Variants in OVCH1 observed in about 807,000 individuals in gnomAD.
OVCH1 encodes the protein ovochymase-1.
In OVCH1, 139 loss-of-function variants were observed where a neutral mutation model predicts 138.4. That is an observed-to-expected ratio of 1.00 (90% CI 0.87 to 1.16). The LOEUF (loss-of-function observed/expected upper bound fraction) is 1.16, where lower values mean the gene tolerates loss of function less well. Among genes scored for constraint, OVCH1 ranks in the 50% most tolerant of loss-of-function variants. The probability of loss-of-function intolerance (pLI) is 0.00; values close to 1 mark genes in which losing one functional copy is unlikely to be tolerated. For synonymous variants in OVCH1, 453 were observed against 467.8 expected (o/e 0.97, Z 0.41); for missense variants, 1,367 against 1,357.9 (o/e 1.01, Z -0.11).
chr12:29,434,994 A>G (rs1292838098), intron 26 of OVCH1, among the ~76,000 whole-genome samples: 2 of 152,218 alleles, frequency 1.3e-5, no homozygotes, highest in African/African-American at 4.8e-5. Flanking sequence ...AAAAGGTGAC[A>G]TGGTCTAAGA....
chr12:29,482,996 T>C (rs145464043), intron 8 of OVCH1, among the ~76,000 whole-genome samples: 1 of 152,332 alleles, frequency 6.6e-6, no homozygotes, highest in East Asian at 1.9e-4. Flanking sequence ...GCCTTCTAAC[T>C]TCTACCCAGT....
At chr12:29,497,345 T>C (rs1343229924) in intron 1 of OVCH1, among the ~76,000 whole-genome samples, 2 of 152,168 alleles carry the variant, frequency 1.3e-5, no homozygotes, top group Non-Finnish European at 2.9e-5. Context: ...TTACTTCTAC[T>C]TGGTTAGGTT....
Position 29,417,313 on chromosome 12 carries a change from C to G in OVCH1, c.*72-4588G>C, listed in dbSNP as rs146125812. The stretch of plus-strand genomic sequence containing the variant: ...CCCATCTCTACTAAAAATACAAAAA[C>G]TTAGCCAGGCATGGTGGCATGCACC... On this transcript the variant is annotated intron_variant and NMD_transcript_variant, in intron 3 of 4. Coordinates refer to the OVCH1 transcript ENST00000539117. Among the ~76,000 whole-genome samples the G allele has an allele frequency of 1.8e-4, 28 of 151,612 alleles. No homozygotes were observed. The East Asian group carries it at 5.1e-3, about 27-fold the overall frequency.
chr12:29,456,768 C>T (rs1159753720), intron 19 of OVCH1, among the ~76,000 whole-genome samples: 1 of 152,212 alleles, frequency 6.6e-6, no homozygotes, highest in South Asian at 2.1e-4. Context: ...AGGAAACCTA[C>T]CACAATATCC....
chr12:29,486,010 A>AAATG, intron 8 of OVCH1, among the ~76,000 whole-genome samples: 1 of 140,084 alleles, frequency 7.1e-6, no homozygotes, highest in Non-Finnish European at 1.6e-5. Context: ...ATAAATAAAT[A>AAATG]AATGGATACA....
At chr12:29,427,344 T>G (rs1941196287), downstream of OVCH1, among the ~76,000 whole-genome samples, 1 of 152,236 alleles carries the variant, frequency 6.6e-6, no homozygotes, top group South Asian at 2.1e-4. Flanking sequence ...CCAGGAAATT[T>G]TAATTCTGGT....
intron 3 of OVCH1, among the ~76,000 whole-genome samples, chr12:29,415,238 G>C (rs1941017103): frequency 6.6e-6 from 1 of 152,110 alleles, no homozygotes; most frequent in African/African-American, 2.4e-5. Flanking sequence ...ATCAAGATAA[G>C]AAAGTAAGGA....
chr12:29,404,828 C>G, the OVCH1 span, among the ~76,000 whole-genome samples: 6 of 151,886 alleles, frequency 4.0e-5, no homozygotes, highest in Admixed American at 1.3e-4. Context: ...CGAGACCAGT[C>G]TGGCCAACAT....
At chr12:29,440,476 C>A (rs933597705) in intron 25 of OVCH1, 3 of 266,892 alleles carry the variant, frequency 1.1e-5, no homozygotes, top group Non-Finnish European at 2.2e-5. Context: ...CCAAGCAGCA[C>A]AATTTTAAGA....
At chr12:29,407,159 T>C in the OVCH1 span, among the ~76,000 whole-genome samples, 1 of 151,096 alleles carries the variant, frequency 6.6e-6, no homozygotes, top group Non-Finnish European at 1.5e-5. Flanking sequence ...GGTTGTTTGT[T>C]TTTTTCTTGT....
At chr12:29,469,997 G>A (rs1026990305) in intron 16 of OVCH1, among the ~76,000 whole-genome samples, 7 of 152,060 alleles carry the variant, frequency 4.6e-5, no homozygotes, top group Non-Finnish European at 2.9e-5. Flanking sequence ...AGTCTGGATC[G>A]AAAACAAATT....
chr12:29,495,284 C>T lies in OVCH1; in HGVS notation c.454+1G>A, dbSNP rs1411834545. On this transcript the variant is annotated splice_donor_variant, in intron 4 of 27. Coordinates refer to ENST00000318184, the Ensembl canonical transcript of OVCH1. LOFTEE classifies it high-confidence loss of function. ...TTAATATTCTAACTCTCCATACTCA[C>T]CAAACTTGACTTTGTGTTTTAGATA... The T allele has an allele frequency of 1.2e-6, 2 of 1,608,022 alleles. No homozygotes were observed. The highest frequency in any genetic ancestry group is 1.7e-6 in the Non-Finnish European group (2 of 1,177,350).
At chr12:29,432,040 T>C (rs570738310) in intron 27 of OVCH1, among the ~76,000 whole-genome samples, 2 of 152,286 alleles carry the variant, frequency 1.3e-5, no homozygotes, top group African/African-American at 4.8e-5. Flanking sequence ...CGCATAGTTA[T>C]AGGTTTCAGG....
chr12:29,449,276 TACACACACACACACACACACACAC>T (rs10651165), intron 22 of OVCH1, among the ~76,000 whole-genome samples: 4 of 137,438 alleles, frequency 2.9e-5, no homozygotes, highest in African/African-American at 5.3e-5. Flanking sequence ...CCCCCCTCCC[TACACACACACACACACACACACAC>T]ACACACACAC....
chr12:29,409,100 G>C (rs187966139), downstream of OVCH1, among the ~76,000 whole-genome samples: 214 of 152,286 alleles, frequency 1.4e-3, no homozygotes, highest in African/African-American at 5.0e-3. Context: ...TTGCGTAGAG[G>C]TGTTTGTAGT....
intron 26 of OVCH1, among the ~76,000 whole-genome samples, chr12:29,438,439 G>A (rs145166659): frequency 1.3e-3 from 196 of 148,462 alleles, no homozygotes; most frequent in African/African-American, 4.8e-3. Context: ...GATAAACTTC[G>A]GAGTTAATTT....
intron 27 of OVCH1, among the ~76,000 whole-genome samples, chr12:29,429,525 T>C (rs752420670): frequency 6.6e-6 from 1 of 152,218 alleles, no homozygotes; most frequent in Non-Finnish European, 1.5e-5. Flanking sequence ...GTGTAGGCCA[T>C]TTAAGAAAGA....
In OVCH1 at chr12:29,442,175, A is replaced by G. The variant is rs549460504; in HGVS notation, c.3157+1186T>C. ...CTGCTACAAAGACACATGCACACGT[A>G]TGTTTATTGCGGCACTATTCACAAT... On this transcript the variant is annotated intron_variant, in intron 25 of 27. Transcript: ENST00000318184. Among the ~76,000 whole-genome samples the G allele has an allele frequency of 1.5e-3, 222 of 152,146 alleles. 1 individual carries two copies. Among genetic ancestry groups the G allele is most frequent in the Middle Eastern group, 6.8e-3 (2 of 294 alleles).
At chr12:29,431,249 T>C (rs980652047) in intron 27 of OVCH1, among the ~76,000 whole-genome samples, 2 of 151,882 alleles carry the variant, frequency 1.3e-5, no homozygotes, top group African/African-American at 4.8e-5. Flanking sequence ...CCAACCTGGG[T>C]AACAGCAAGA....
Sources: gnomAD v4.1 joint callset for allele counts (sites outside exome capture counted in the v4.1 genomes callset) on GRCh38, gnomAD v4.1.1 for gene constraint, MANE v1.5 for transcripts, NCBI Gene and HGNC (gene_info 2026-07-23, HGNC 2026-07-21) for gene names.